The following SYNE1 variants were observed in gnomAD, a reference collection of about 807,000 sequenced individuals.
SYNE1 encodes nesprin-1.
Under a neutral mutation model 1,111.0 loss-of-function variants are expected in SYNE1, and 616 were observed. The observed-to-expected ratio is 0.55, with a 90% CI of 0.52 to 0.59. The LOEUF is 0.59. Ranked by LOEUF, SYNE1 falls within the 20% of genes least tolerant of loss-of-function variation. The pLI, the probability that SYNE1 is intolerant of heterozygous loss-of-function variation, is 0.00. For synonymous variants in SYNE1, 3,855 were observed against 3,825.8 expected (o/e 1.01, Z -0.28); for missense variants, 10,006 against 10,417.0 (o/e 0.96, Z 1.72).
At position 152,395,749 on chromosome 6, in the gene SYNE1, T is replaced by C. The variant is rs4870106; in HGVS notation, c.7557-78A>G. On this transcript the variant is annotated intron_variant, in intron 50 of 145. Transcript: ENST00000367255. Reference sequence around the variant, plus strand: ...TTACTTTTAATAGCTGAGGTCACAATGTCTTTTAAATGGCAATTAAGACCT... The same window carrying C: ...TTACTTTTAATAGCTGAGGTCACAACGTCTTTTAAATGGCAATTAAGACCT... The C allele has an allele frequency of 1.7e-5, 26 of 1,524,236 alleles. 2 individuals carry two copies. The Admixed American group carries it at 4.2e-4, about 25-fold the overall frequency. 94.4% of individuals were successfully genotyped at this position (1,524,236 alleles called of 1,614,324 possible).
Position 152,353,689 on chromosome 6 carries a change from C to A in SYNE1, c.10982G>T (p.Arg3661Ile). The A allele has an allele frequency of 1.2e-6, 2 of 1,614,188 alleles. No homozygotes were observed. Among genetic ancestry groups the A allele is most frequent in the Non-Finnish European group, 1.7e-6 (2 of 1,180,044 alleles). The stretch of plus-strand genomic sequence containing the variant: ...GCTCTCGTCCAGTATCTCCTGAGCT[C>A]TAGCTCCCACTTCCTCAACTTCATC... ...YRDEVEEVGA[R>I]AQEILDESHV... The change falls in exon 68 of 146, where the codon AGA becomes ATA. Residue 3661 changes from arginine (R) to isoleucine (I), a missense_variant. By Grantham distance (97) the Arg-to-Ile change is moderately conservative (BLOSUM62 -3). This residue lies in a region of SYNE1 where 4,955 missense variants were observed against 5,017.2 expected (regional missense o/e 0.99). Coordinates refer to ENST00000367255, the MANE Select transcript of SYNE1 (RefSeq NM_182961.4).
At chr6:152,234,972 CT>C (rs1562387713) in intron 110 of SYNE1, among the ~76,000 whole-genome samples, 172 bp from the exon 111 acceptor site, 1 of 152,130 alleles carries the variant, frequency 6.6e-6, no homozygotes, top group Non-Finnish European at 1.5e-5. Context: ...TTTATCAAGC[CT>C]GTCTCTCTGG....
At position 152,237,025 on chromosome 6, in the gene SYNE1, G is replaced by C. The variant is rs777731153; in HGVS notation, c.20068-77C>G. 3.2e-6 allele frequency: 5 copies of C among 1,555,218 alleles called. No homozygotes were observed. In the South Asian group the frequency reaches 5.8e-5, roughly 18 times the overall value. The stretch of plus-strand genomic sequence containing the variant: ...ACATTCTTCCTTGGGTGCAAAATAC[G>C]TGCCTGACAGTCTCTCCTTAAAGTT... On this transcript the variant is annotated intron_variant, in intron 108 of 145. Transcript: ENST00000367255.
At position 152,309,945 on chromosome 6, in the gene SYNE1, T is replaced by C. The variant is rs794727949; in HGVS notation, c.17092A>G (p.Ile5698Val). Residue 5698 changes from isoleucine (I) to valine (V), a missense_variant, in exon 90 of 146, where the codon ATC becomes GTC. Ile to Val is a conservative substitution (Grantham distance 29, BLOSUM62 3). Transcript: ENST00000367255. ...AVQLCQSALR[I>V]PEDVVASLPL... ...AAGCTGGCAACCACATCCTCGGGGA[T>C]CCGGAGGGCACTCTGGCAGAGCTGC... 3 of 1,614,148 alleles carry C rather than the reference T, an allele frequency of 1.9e-6. 1 individual carries two copies. The South Asian group carries it at 3.3e-5, about 18-fold the overall frequency.
chr6:152,564,176 G>C (rs2099403787), intron 3 of SYNE1, among the ~76,000 whole-genome samples: 1 of 152,150 alleles, frequency 6.6e-6, no homozygotes, highest in African/African-American at 2.4e-5. Flanking sequence ...TAATTTCTTG[G>C]CCTGGGATTT....
At position 152,233,848 on chromosome 6, in the gene SYNE1, G is replaced by C; in HGVS notation, c.20645C>G (p.Ser6882Trp). The change falls in exon 112 of 146, where the codon TCG becomes TGG. Residue 6882 changes from serine to tryptophan, a missense_variant. Transcript: ENST00000367255. The part of the protein sequence containing the change: ...VDTATLRSEL[S>W]RIDSQWTDLL... ...GTCAGTCCACTGGCTATCAATGCGC[G>C]ACAGCTCAGAGCGCAGCGTGGCTGT... is the stretch of plus-strand genomic sequence containing the variant. The C allele has an allele frequency of 6.2e-7, 1 of 1,614,176 alleles. No homozygotes were observed. The highest frequency in any genetic ancestry group is 8.5e-7 in the Non-Finnish European group (1 of 1,180,030).
intron 3 of SYNE1, among the ~76,000 whole-genome samples, chr6:152,572,728 C>T (rs1346233431): frequency 6.6e-6 from 1 of 151,906 alleles, no homozygotes; most frequent in Non-Finnish European, 1.5e-5. Flanking sequence ...GGAGAGAGAG[C>T]GGAGGTAAGG....
At chr6:152,134,340 C>T (rs943902720) in intron 142 of SYNE1, 1 of 152,224 alleles carries the variant, frequency 6.6e-6, no homozygotes, top group Non-Finnish European at 1.5e-5. Flanking sequence ...ACTTGATGCT[C>T]AGGTTCATGT....
intron 31 of SYNE1, 71 bp downstream of exon 31, chr6:152,442,004 G>A: frequency 1.3e-6 from 2 of 1,580,270 alleles, no homozygotes; most frequent in African/African-American, 1.3e-5. Context: ...TCGCCTTGGT[G>A]TTATGAGGCA....
intron 9 of SYNE1, among the ~76,000 whole-genome samples, chr6:152,504,090 A>G (rs1382656436): frequency 6.6e-6 from 1 of 152,166 alleles, no homozygotes; most frequent in Non-Finnish European, 1.5e-5. Flanking sequence ...GGTGGATATG[A>G]AAGAATCATG....
chr6:152,202,523 G>C (rs1390577008), intron 126 of SYNE1, among the ~76,000 whole-genome samples: 1 of 151,986 alleles, frequency 6.6e-6, no homozygotes, highest in Non-Finnish European at 1.5e-5. Context: ...AGCAGATAAT[G>C]CTCTATGTTT....
intron 101 of SYNE1, 32 bp downstream of exon 101, chr6:152,262,000 T>C (rs375029888): frequency 6.5e-6 from 10 of 1,542,212 alleles, no homozygotes; most frequent in Non-Finnish European, 8.8e-6. Context: ...ATCTTTTATA[T>C]TAGTTAATAT....
intron 14 of SYNE1, among the ~76,000 whole-genome samples, chr6:152,477,006 T>G (rs1249651490): frequency 6.6e-6 from 1 of 152,080 alleles, no homozygotes; most frequent in Non-Finnish European, 1.5e-5. Flanking sequence ...TGGGGAAATA[T>G]ACATAGGCAC....
In SYNE1 at chr6:152,180,823, G is replaced by A. The variant is rs78832315; in HGVS notation, c.23302-529C>T. 3.3e-3 allele frequency among the ~76,000 whole-genome samples: 505 copies of A among 152,248 alleles called. 4 individuals carry two copies. The highest frequency in any genetic ancestry group is 0.012 in the African/African-American group (484 of 41,554). On this transcript the variant is annotated intron_variant, in intron 128 of 145. Transcript: ENST00000367255. ...GCATCCAAGCGAAGCGGCCTGAAAT[G>A]GAGGCAGGTGCCCCAAGGCTCAGCT...
chr6:152,337,050 C>A (rs756040196), intron 75 of SYNE1, 33 bp from the exon 76 acceptor site: 10 of 1,601,448 alleles, frequency 6.2e-6, no homozygotes, highest in Admixed American at 1.7e-5. Flanking sequence ...AGTTAGCAAC[C>A]ATACATGGAA....
At chr6:152,383,478 G>T (rs1290058612) in intron 55 of SYNE1, among the ~76,000 whole-genome samples, 2 of 152,092 alleles carry the variant, frequency 1.3e-5, no homozygotes, top group African/African-American at 4.8e-5. Context: ...GGATTCTTTA[G>T]TATTCCTCCT....
intron 129 of SYNE1, 75 bp downstream of exon 129, chr6:152,180,061 C>A (rs2067559608): frequency 6.6e-7 from 1 of 1,509,364 alleles, no homozygotes; most frequent in South Asian, 1.1e-5. Flanking sequence ...GTGAGTAAAG[C>A]CACCTTCTGT....
chr6:152,366,968 C>T, intron 62 of SYNE1: 4 of 667,024 alleles, frequency 6.0e-6, no homozygotes, highest in Non-Finnish European at 1.1e-5. Flanking sequence ...AAACTAGCCT[C>T]TTAACAAGTG....
intron 3 of SYNE1, among the ~76,000 whole-genome samples, chr6:152,600,365 T>G (rs1346312384): frequency 6.6e-6 from 1 of 152,202 alleles, no homozygotes; most frequent in African/African-American, 2.4e-5. Context: ...CTCAAATGGC[T>G]GGTAAAGGGT....
Sources: gnomAD v4.1 joint callset for allele counts (sites outside exome capture counted in the v4.1 genomes callset) on GRCh38, gnomAD v4.1.1 for gene constraint, gnomAD v4.1.1 regional missense constraint, MANE v1.5 for transcripts, NCBI Gene and HGNC (gene_info 2026-07-23, HGNC 2026-07-21) for gene names.